SORCS1: variants seen among roughly 807,000 people sequenced by gnomAD.
SORCS1 encodes the protein sortilin related VPS10 domain containing receptor 1.
In SORCS1, 60 loss-of-function variants were observed where a neutral mutation model predicts 146.1. That is an observed-to-expected ratio of 0.41 (90% confidence interval 0.33 to 0.51). The LOEUF is 0.51. Ranked by LOEUF, SORCS1 falls within the 20% of genes least tolerant of loss-of-function variation. The probability of loss-of-function intolerance (pLI) is 0.21; values close to 1 mark genes in which losing one functional copy is unlikely to be tolerated. For synonymous variants in SORCS1, 637 were observed against 584.0 expected, an observed-to-expected ratio of 1.09 and a Z score of -1.31; for missense variants, 1,352 against 1,487.6, an observed-to-expected ratio of 0.91 and a Z score of 1.50.
chr10:107,114,768 T>C (rs897595941), intron 1 of SORCS1, among the ~76,000 whole-genome samples: 1 of 152,076 alleles, frequency 6.6e-6, no homozygotes, highest in African/African-American at 2.4e-5. Flanking sequence ...CATTGTGTGA[T>C]AATAAGAAAG....
At chr10:106,910,581 C>T (rs570048050) in intron 2 of SORCS1, among the ~76,000 whole-genome samples, 3 of 152,134 alleles carry the variant, frequency 2.0e-5, no homozygotes, top group Admixed American at 6.5e-5. Flanking sequence ...TTAATATAAC[C>T]GTCGCTCACA....
intron 2 of SORCS1, among the ~76,000 whole-genome samples, chr10:106,915,882 C>T (rs1387611413): frequency 6.6e-6 from 1 of 152,172 alleles, no homozygotes; most frequent in African/African-American, 2.4e-5. Context: ...AGGGACCTGG[C>T]TCCAAATTCT....
intron 1 of SORCS1, among the ~76,000 whole-genome samples, chr10:106,972,548 C>A (rs766549193): frequency 2.0e-5 from 3 of 148,924 alleles, no homozygotes; most frequent in Admixed American, 6.6e-5. Flanking sequence ...TTTTTTTGGC[C>A]GTAAAGTTTG....
chr10:107,147,631 T>C (rs1421128061), intron 1 of SORCS1, among the ~76,000 whole-genome samples: 2 of 152,228 alleles, frequency 1.3e-5, no homozygotes, highest in Non-Finnish European at 2.9e-5. Context: ...TAGTGAAAAC[T>C]ATCCAGGCAG....
intron 1 of SORCS1, among the ~76,000 whole-genome samples, chr10:107,010,423 A>T (rs1957647521): frequency 1.2e-5 from 1 of 85,508 alleles, no homozygotes; most frequent in Non-Finnish European, 2.3e-5. Context: ...CTCACAAGGC[A>T]TAACTTTATT....
At chr10:106,771,663 A>C (rs190272842) in intron 4 of SORCS1, among the ~76,000 whole-genome samples, 1 of 152,188 alleles carries the variant, frequency 6.6e-6, no homozygotes, top group Admixed American at 6.5e-5. Context: ...ACTTTCCACA[A>C]GGATTCATTG....
intron 6 of SORCS1, among the ~76,000 whole-genome samples, chr10:106,721,541 T>C (rs563402629): frequency 2.0e-5 from 3 of 152,362 alleles, no homozygotes; most frequent in Non-Finnish European, 4.4e-5. Flanking sequence ...AATAAGGATA[T>C]GCCTTTTTAA....
intron 2 of SORCS1, among the ~76,000 whole-genome samples, chr10:106,851,802 C>G (rs2137290909): frequency 6.6e-6 from 1 of 152,334 alleles, no homozygotes; most frequent in African/African-American, 2.4e-5. Context: ...GAACTGACAT[C>G]TTGGCAATAT....
intron 1 of SORCS1, among the ~76,000 whole-genome samples, chr10:106,997,948 C>T (rs562316340): frequency 2.6e-5 from 4 of 152,272 alleles, no homozygotes; most frequent in South Asian, 4.2e-4. Context: ...ACTTTGCATT[C>T]GTGACCATAT....
chr10:106,799,775 T>G (rs1946772096), intron 3 of SORCS1, among the ~76,000 whole-genome samples: 1 of 152,196 alleles, frequency 6.6e-6, no homozygotes, highest in African/African-American at 2.4e-5. Context: ...ACTTTTCCAC[T>G]GTTGGTGGGA....
chr10:107,144,308 T>C (rs1251345766), intron 1 of SORCS1, among the ~76,000 whole-genome samples: 1 of 152,246 alleles, frequency 6.6e-6, no homozygotes, highest in Non-Finnish European at 1.5e-5. Flanking sequence ...AGGAGGACTA[T>C]TTCTGTGTTC....
chr10:106,718,245 G>A (rs1007398309), intron 6 of SORCS1, among the ~76,000 whole-genome samples: 2 of 152,180 alleles, frequency 1.3e-5, no homozygotes, highest in African/African-American at 2.4e-5. Flanking sequence ...TAGTTTAGTT[G>A]GGTAAAGACA....
chr10:106,976,333 G>GTTTTTTTTTTGTTTTTTTTTTTT lies in SORCS1; in HGVS notation c.559-19754_559-19753insAAAAAAAAAAAACAAAAAAAAAA, dbSNP rs757120275. Among the ~76,000 whole-genome samples the GTTTTTTTTTTGTTTTTTTTTTTT allele has an allele frequency of 7.2e-4, 82 of 113,766 alleles. 2 individuals carry two copies. The highest frequency in any genetic ancestry group is 1.1e-3 in the Non-Finnish European group (62 of 58,964). The allele number at this position is 113,766 out of a possible 152,430, so 74.6% of individuals were successfully genotyped here. On this transcript the variant is annotated intron_variant, in intron 1 of 25. Coordinates refer to ENST00000263054, the MANE Select transcript of SORCS1 (RefSeq NM_052918.5). The stretch of plus-strand genomic sequence containing the variant: ...ATCAACTCATCATCTAGGTTTTTTT[G>GTTTTTTTTTTGTTTTTTTTTTTT]TTTTTTTTTTTTTTTTGAGACGGAG...
At chr10:106,646,810 T>C (rs1849471222) in intron 18 of SORCS1, among the ~76,000 whole-genome samples, 2 of 152,086 alleles carry the variant, frequency 1.3e-5, no homozygotes, top group South Asian at 4.2e-4. Context: ...CATATGGATA[T>C]TCAAAATTGT....
intron 1 of SORCS1, among the ~76,000 whole-genome samples, chr10:106,979,881 T>C (rs887788956): frequency 3.3e-5 from 5 of 152,170 alleles, no homozygotes; most frequent in African/African-American, 1.2e-4. Context: ...GTATAGAACA[T>C]TGTCAGCTCC....
intron 1 of SORCS1, among the ~76,000 whole-genome samples, chr10:106,968,928 C>T (rs183239696): frequency 1.6e-4 from 25 of 152,228 alleles, no homozygotes; most frequent in Admixed American, 1.5e-3. Flanking sequence ...AAATTATAGT[C>T]AATCAACAAT....
intron 3 of SORCS1, among the ~76,000 whole-genome samples, chr10:106,791,757 T>C (rs1946332619): frequency 6.6e-6 from 1 of 152,118 alleles, no homozygotes; most frequent in Admixed American, 6.6e-5. Flanking sequence ...CTACCAAGTG[T>C]TTTTCAGAAG....
intron 3 of SORCS1, among the ~76,000 whole-genome samples, chr10:106,797,619 T>C (rs1467282510): frequency 6.6e-6 from 1 of 151,338 alleles, no homozygotes; most frequent in African/African-American, 2.4e-5. Context: ...CTGAAAAACA[T>C]GCAAAACAAA....
intron 1 of SORCS1, among the ~76,000 whole-genome samples, chr10:106,994,966 A>G (rs542980394): frequency 6.6e-6 from 1 of 152,316 alleles, no homozygotes; most frequent in African/African-American, 2.4e-5. Flanking sequence ...ATTAGTAATA[A>G]CTGAACGTCG....
Sources: gnomAD v4.1 joint callset for allele counts (sites outside exome capture counted in the v4.1 genomes callset) on GRCh38, gnomAD v4.1.1 for gene constraint, MANE v1.5 for transcripts, NCBI Gene and HGNC (gene_info 2026-07-23, HGNC 2026-07-21) for gene names.